CAMK2D: variants seen among roughly 807,000 people sequenced by gnomAD.
CAMK2D encodes calcium/calmodulin dependent protein kinase II delta.
A neutral mutation model predicts 84.0 loss-of-function variants in CAMK2D; 37 were observed. That is an observed-to-expected ratio of 0.44 (90% CI 0.34 to 0.58). The LOEUF (loss-of-function observed/expected upper bound fraction) is 0.58, where lower values mean the gene tolerates loss of function less well. Among genes scored for constraint, CAMK2D ranks in the 20% least tolerant of loss-of-function variants. The probability of loss-of-function intolerance (pLI) is 0.02; values close to 1 mark genes in which losing one functional copy is unlikely to be tolerated. For synonymous variants in CAMK2D, 202 were observed against 212.5 expected, an observed-to-expected ratio of 0.95 and a Z score of 0.43; for missense variants, 448 against 652.5, an observed-to-expected ratio of 0.69 and a Z score of 3.41.
At chr4:113,456,988 T>C in intron 19 of CAMK2D, 1 of 214,254 alleles carries the variant, frequency 4.7e-6, no homozygotes, top group Non-Finnish European at 9.2e-6. Context: ...TCCCTATGTT[T>C]TCCTCTGATA....
chr4:113,455,902 G>A, intron 19 of CAMK2D, 81 bp from the exon 20 acceptor site: 4 of 828,148 alleles, frequency 4.8e-6, no homozygotes, highest in South Asian at 4.3e-5. Flanking sequence ...AACACTTCAG[G>A]GAACTGCAAA....
chr4:113,688,619 C>T (rs1263743797), intron 2 of CAMK2D, among the ~76,000 whole-genome samples: 2 of 152,124 alleles, frequency 1.3e-5, no homozygotes, highest in African/African-American at 4.8e-5. Flanking sequence ...AGAACTCATC[C>T]TCTTCTAGTT....
intron 2 of CAMK2D, among the ~76,000 whole-genome samples, chr4:113,680,197 T>C (rs956338586): frequency 4.6e-5 from 7 of 152,214 alleles, no homozygotes; most frequent in African/African-American, 1.7e-4. Context: ...AGATGGCTTA[T>C]AGGGCGTAAG....
chr4:113,654,661 G>A (rs1375815057), intron 3 of CAMK2D, among the ~76,000 whole-genome samples: 1 of 151,820 alleles, frequency 6.6e-6, no homozygotes, highest in Non-Finnish European at 1.5e-5. Context: ...CCTAAACATC[G>A]CCATCTCTTT....
chr4:113,736,132 T>A (rs376666339), intron 2 of CAMK2D, among the ~76,000 whole-genome samples: 3 of 145,888 alleles, frequency 2.1e-5, no homozygotes, highest in African/African-American at 2.5e-5. Context: ...CTAGTAGAAT[T>A]AAAAAAAAAA....
intron 2 of CAMK2D, among the ~76,000 whole-genome samples, chr4:113,738,975 T>A (rs1325373084): frequency 6.6e-6 from 1 of 152,206 alleles, no homozygotes; most frequent in African/African-American, 2.4e-5. Flanking sequence ...ATATTAACTG[T>A]GAATTCAAAG....
At chr4:113,639,762 G>T (rs1011184683) in intron 3 of CAMK2D, among the ~76,000 whole-genome samples, 1 of 152,048 alleles carries the variant, frequency 6.6e-6, no homozygotes, top group Non-Finnish European at 1.5e-5. Flanking sequence ...GAGGGAGTCT[G>T]TATGGCTGGA....
At chr4:113,556,769 C>T (rs2098667607) in intron 4 of CAMK2D, among the ~76,000 whole-genome samples, 1 of 152,108 alleles carries the variant, frequency 6.6e-6, no homozygotes, top group South Asian at 2.1e-4. Flanking sequence ...ATGTGGGTCT[C>T]CTTAGCACCA....
In CAMK2D at chr4:113,504,958, C is replaced by T; in HGVS notation, c.1044+18G>A. ...AATGTAAAGAACTTAAGAAGGGTTA[C>T]AAAGAGTCCAGGTATACCAGCGCTG... On this transcript the variant is annotated intron_variant, in intron 14 of 20. Transcript: ENST00000511664. The T allele has an allele frequency of 1.4e-6, 2 of 1,465,106 alleles. No homozygotes were observed. 90.8% of individuals were successfully genotyped at this position (1,465,106 alleles called of 1,614,324 possible).
Position 113,713,325 on chromosome 4 carries a change from C to A in CAMK2D, c.160+45995G>T, listed in dbSNP as rs550251348. On this transcript the variant is annotated intron_variant, in intron 2 of 20. Transcript: ENST00000511664. ...TCAAATGGTTTTCAAAGTGACTTTG[C>A]AAATCTATACTCCTGCAGAAATGGG... Among the ~76,000 whole-genome samples the A allele has an allele frequency of 7.3e-5, 11 of 151,402 alleles. 1 individual carries two copies. In the East Asian group the frequency reaches 2.1e-3, roughly 29 times the overall value.
At chr4:113,681,613 A>G (rs1402236350) in intron 2 of CAMK2D, among the ~76,000 whole-genome samples, 2 of 152,200 alleles carry the variant, frequency 1.3e-5, no homozygotes, top group South Asian at 4.1e-4. Flanking sequence ...GGCCAGTCCC[A>G]AGAAAACATT....
At chr4:113,531,432 G>A (rs939633218) in intron 7 of CAMK2D, 133 bp from the exon 8 acceptor site, 8 of 642,712 alleles carry the variant, frequency 1.2e-5, no homozygotes, top group Non-Finnish European at 2.3e-5. Context: ...GGTTCTCAGA[G>A]CAATAAATAG....
chr4:113,669,935 G>A (rs189427335), intron 2 of CAMK2D, among the ~76,000 whole-genome samples: 4 of 152,226 alleles, frequency 2.6e-5, no homozygotes, highest in African/African-American at 9.6e-5. Flanking sequence ...AGGACACATG[G>A]TATCAGACAG....
At chr4:113,729,347 T>C (rs1373104247) in intron 2 of CAMK2D, among the ~76,000 whole-genome samples, 1 of 152,210 alleles carries the variant, frequency 6.6e-6, no homozygotes, top group Non-Finnish European at 1.5e-5. Context: ...CCGGAGGACC[T>C]TCCATGACAT....
At chr4:113,663,504 A>C (rs2099244020) in intron 2 of CAMK2D, among the ~76,000 whole-genome samples, 1 of 151,898 alleles carries the variant, frequency 6.6e-6, no homozygotes, top group Non-Finnish European at 1.5e-5. Flanking sequence ...CAGAAGAATC[A>C]CTTGAACCCG....
In CAMK2D at chr4:113,454,176, A is replaced by C. The variant is rs2097278099; in HGVS notation, c.*369T>G. On this transcript the variant is annotated 3_prime_UTR_variant, in exon 21 of 21. Coordinates refer to ENST00000511664, the MANE Select transcript of CAMK2D (RefSeq NM_001321571.2). ...CATTTCTCTTACAACTGTCATTCAGAGAACAATAGTTCTTAAGTCTGTTAA... is the reference window on the plus strand; with the variant it reads ...CATTTCTCTTACAACTGTCATTCAGCGAACAATAGTTCTTAAGTCTGTTAA... 1 of 191,170 alleles carries C rather than the reference A, an allele frequency of 5.2e-6. No individual in the cohort carries two copies. The highest frequency in any genetic ancestry group is 2.3e-5 in the African/African-American group (1 of 42,982). 11.8% of individuals were successfully genotyped at this position (191,170 alleles called of 1,614,324 possible). A position where few individuals can be genotyped will look rare whatever the true frequency, so the allele number is the denominator to read the frequency against.
At chr4:113,685,250 T>G (rs967304934) in intron 2 of CAMK2D, among the ~76,000 whole-genome samples, 1 of 151,740 alleles carries the variant, frequency 6.6e-6, no homozygotes, top group Non-Finnish European at 1.5e-5. Context: ...TTTTTTTTTT[T>G]TTTTTTTAGA....
At chr4:113,496,571 C>T (rs1332970115) in intron 16 of CAMK2D, among the ~76,000 whole-genome samples, 1 of 151,850 alleles carries the variant, frequency 6.6e-6, no homozygotes, top group East Asian at 1.9e-4. Flanking sequence ...GCCTCAGCCT[C>T]CCGAGTTGCT....
chr4:113,647,302 A>C (rs2099155932), intron 3 of CAMK2D, among the ~76,000 whole-genome samples: 1 of 152,244 alleles, frequency 6.6e-6, no homozygotes, highest in African/African-American at 2.4e-5. Flanking sequence ...TCTATGCTTC[A>C]ATTTAATTAG....
Sources: allele counts gnomAD v4.1 joint callset (sites outside exome capture counted in the v4.1 genomes callset), GRCh38; gene constraint gnomAD v4.1.1; transcripts MANE v1.5; gene names NCBI Gene and HGNC (gene_info 2026-07-23, HGNC 2026-07-21).